ATP13A4: variants seen among roughly 807,000 people sequenced by gnomAD.
ATP13A4 encodes probable cation-transporting ATPase 13A4.
In ATP13A4, 114 loss-of-function variants were observed where a neutral mutation model predicts 142.5. The ratio of observed to expected loss-of-function variants is 0.80; its 90% CI spans 0.69 to 0.93. The LOEUF (loss-of-function observed/expected upper bound fraction) is 0.93. Among genes scored for constraint, ATP13A4 ranks in the 40% least tolerant of loss-of-function variants. The pLI is 0.00. For synonymous variants in ATP13A4, 488 were observed against 514.8 expected (o/e 0.95, Z 0.70); for missense variants, 1,392 against 1,454.0 (o/e 0.96, Z 0.69).
intron 1 of ATP13A4, among the ~76,000 whole-genome samples, chr3:193,583,507 G>GT (rs1338323507): frequency 1.3e-5 from 2 of 152,004 alleles, no homozygotes; most frequent in African/African-American, 4.8e-5. Flanking sequence ...AAAAAATATT[G>GT]TATCAAATAA....
At chr3:193,414,493 GACCC>G in intron 26 of ATP13A4, 82 bp downstream of exon 26, 1 of 1,497,878 alleles carries the variant, frequency 6.7e-7, no homozygotes, top group South Asian at 1.2e-5. Flanking sequence ...GCAGAATGAA[GACCC>G]ATGTGCCTCC....
At chr3:193,575,400 G>C (rs1724370392) in intron 2 of ATP13A4, among the ~76,000 whole-genome samples, 1 of 152,140 alleles carries the variant, frequency 6.6e-6, no homozygotes, top group East Asian at 1.9e-4. Context: ...TAGGGGATGA[G>C]TTGACAAAGA....
intron 1 of ATP13A4, among the ~76,000 whole-genome samples, chr3:193,517,543 C>T (rs913114150): frequency 7.9e-5 from 12 of 152,146 alleles, no homozygotes; most frequent in Non-Finnish European, 7.4e-5. Flanking sequence ...TACAGTGGCG[C>T]GATCTCGGCT....
At chr3:193,570,828 T>C (rs1724245034) in intron 2 of ATP13A4, among the ~76,000 whole-genome samples, 1 of 152,202 alleles carries the variant, frequency 6.6e-6, no homozygotes, top group South Asian at 2.1e-4. Flanking sequence ...CAAAGGATAA[T>C]AATATCTCCC....
At chr3:193,519,220 C>G (rs1721582637) in intron 1 of ATP13A4, among the ~76,000 whole-genome samples, 1 of 152,158 alleles carries the variant, frequency 6.6e-6, no homozygotes, top group Admixed American at 6.5e-5. Flanking sequence ...TTTTGAAACC[C>G]ATGGTAAAAG....
intron 2 of ATP13A4, among the ~76,000 whole-genome samples, chr3:193,502,863 C>T (rs914719005): frequency 6.6e-6 from 1 of 152,162 alleles, no homozygotes; most frequent in Admixed American, 6.5e-5. Context: ...GGCACTGACA[C>T]ATAACAAAGC....
At chr3:193,524,612 G>A (rs1721899998) in intron 1 of ATP13A4, among the ~76,000 whole-genome samples, 1 of 152,178 alleles carries the variant, frequency 6.6e-6, no homozygotes, top group Non-Finnish European at 1.5e-5. Flanking sequence ...TAGCACAGGA[G>A]AAAGCCAACA....
chr3:193,560,682 G>A (rs1439823003), intron 2 of ATP13A4, among the ~76,000 whole-genome samples: 1 of 152,182 alleles, frequency 6.6e-6, no homozygotes, highest in East Asian at 1.9e-4. Context: ...CATTACTTAG[G>A]CATGATCCAG....
At chr3:193,425,087 T>C (rs753047040) in intron 25 of ATP13A4, among the ~76,000 whole-genome samples, 34 of 136,470 alleles carry the variant, frequency 2.5e-4, no homozygotes, top group Non-Finnish European at 2.3e-4. Context: ...AGGTATGCCA[T>C]ATGCCAACAG....
rs944537936 is a variant in ATP13A4, at chr3:193,407,186, G to A, written c.3378+127C>T. ...AAGGCACCATTGCTTATACTGTGAAGGAAGGGAGCCCCTGCACTGCTGAGT... is the reference window on the plus strand; with the variant it reads ...AAGGCACCATTGCTTATACTGTGAAAGAAGGGAGCCCCTGCACTGCTGAGT... On this transcript the variant is annotated intron_variant, in intron 29 of 29. Coordinates refer to ENST00000342695, the MANE Select transcript of ATP13A4 (RefSeq NM_032279.4). 3 of 779,206 alleles carry A rather than the reference G, an allele frequency of 3.9e-6. No homozygotes were observed. In the South Asian group the frequency reaches 4.4e-5, roughly 11 times the overall value. 48.3% of individuals were successfully genotyped at this position (779,206 alleles called of 1,614,324 possible).
intron 7 of ATP13A4, among the ~76,000 whole-genome samples, chr3:193,488,673 A>C (rs1719774314): frequency 6.6e-6 from 1 of 152,210 alleles, no homozygotes; most frequent in Non-Finnish European, 1.5e-5. Context: ...GAGGAAGATG[A>C]GTAAGTAATG....
intron 14 of ATP13A4, chr3:193,458,665 C>T (rs1031107375): frequency 1.2e-4 from 34 of 278,176 alleles, no homozygotes; most frequent in Non-Finnish European, 1.8e-4. Context: ...TTATAGTCCC[C>T]GTGAATCTAT....
At chr3:193,434,729 T>C (rs980540429) in intron 24 of ATP13A4, among the ~76,000 whole-genome samples, 1 of 152,194 alleles carries the variant, frequency 6.6e-6, no homozygotes, top group African/African-American at 2.4e-5. Context: ...TCCTTGGTGT[T>C]GGTTAATACG....
At chr3:193,573,295 A>ATG (rs1553862263) in intron 2 of ATP13A4, among the ~76,000 whole-genome samples, 26 of 83,938 alleles carry the variant, frequency 3.1e-4, no homozygotes, top group African/African-American at 1.4e-3. Flanking sequence ...ATATACACAT[A>ATG]TATATATATA....
chr3:193,399,794 C>T lies in ATP13A4; in HGVS notation c.*2858G>A, dbSNP rs1407497090. ...CCGGGAGGCGGAGCTGGCAGTGAGC[C>T]GAGATTGTGCCACTGCACTCTAGCC... On this transcript the variant is annotated 3_prime_UTR_variant, in exon 30 of 30. Transcript: ENST00000342695. Among the ~76,000 whole-genome samples the T allele has an allele frequency of 1.6e-5, 2 of 128,500 alleles. No homozygotes were observed. The highest frequency in any genetic ancestry group is 6.0e-5 in the African/African-American group (2 of 33,562). The allele number at this position is 128,500 out of a possible 152,430, so 84.3% of individuals were successfully genotyped here. A position where few individuals can be genotyped will look rare whatever the true frequency, so the allele number is the denominator to read the frequency against.
intron 3 of ATP13A4, among the ~76,000 whole-genome samples, chr3:193,494,538 C>G (rs925949395): frequency 6.6e-6 from 1 of 151,780 alleles, no homozygotes; most frequent in Non-Finnish European, 1.5e-5. Flanking sequence ...AATTGGTCAA[C>G]AAAGAAATTA....
rs1716573716 is a variant in ATP13A4, at chr3:193,440,634, A to G, written c.2443T>C (p.Leu815=). The G allele has an allele frequency of 3.7e-6, 6 of 1,613,926 alleles. No homozygotes were observed. The highest frequency in any genetic ancestry group is 1.1e-5 in the South Asian group (1 of 91,076). The part of the protein sequence containing the change: ...QHFSSLLPKI[L]INGTIFARMS... Reference sequence around the variant, plus strand: ...CTTGCAAAGATGGTCCCATTGATCAATATCTGTAAGGAACCCAAAATGGAG... The same window carrying G: ...CTTGCAAAGATGGTCCCATTGATCAGTATCTGTAAGGAACCCAAAATGGAG... Residue 815 remains leucine, a synonymous_variant, in exon 21 of 30, where the codon TTG becomes CTG. Transcript: ENST00000342695.
chr3:193,523,521 G>A (rs1484390370), intron 1 of ATP13A4, among the ~76,000 whole-genome samples: 1 of 152,164 alleles, frequency 6.6e-6, no homozygotes, highest in Non-Finnish European at 1.5e-5. Flanking sequence ...TGCCTGTGTA[G>A]TGGAAGCTCC....
intron 8 of ATP13A4, among the ~76,000 whole-genome samples, chr3:193,478,834 AATGTCCCTG>A (rs144459689): frequency 0.45 from 68,095 of 151,326 alleles, 15,165 homozygotes; most frequent in Admixed American, 0.49. Flanking sequence ...ACCACAGACC[AATGTCCCTG>A]ATGAACATAG....
Sources: gnomAD v4.1 joint callset for allele counts (sites outside exome capture counted in the v4.1 genomes callset) on GRCh38, gnomAD v4.1.1 for gene constraint, MANE v1.5 for transcripts, NCBI Gene and HGNC (gene_info 2026-07-23, HGNC 2026-07-21) for gene names.